Variants in UBE3A observed in about 807,000 individuals in gnomAD.
UBE3A encodes ubiquitin-protein ligase E3A.
Under a neutral mutation model 83.4 loss-of-function variants are expected in UBE3A, and 6 were observed. The ratio of observed to expected loss-of-function variants is 0.07; its 90% CI spans 0.04 to 0.14. The LOEUF (loss-of-function observed/expected upper bound fraction) is 0.14, where lower values mean the gene tolerates loss of function less well. UBE3A is among the 10% of genes least tolerant of loss of function. The probability of loss-of-function intolerance (pLI) is 1.00; values close to 1 mark genes in which losing one functional copy is unlikely to be tolerated. For missense variants in UBE3A, 456 were observed against 1,036.1 expected, an observed-to-expected ratio of 0.44 and a Z score of 7.69; for synonymous variants, 337 against 355.4, an observed-to-expected ratio of 0.95 and a Z score of 0.58.
Position 25,349,535 on chromosome 15 carries a change from T to C in UBE3A, c.2354+4818A>G, listed in dbSNP as rs1283531887. 4.6e-5 allele frequency among the ~76,000 whole-genome samples: 7 copies of C among 152,266 alleles called. No individual in the cohort carries two copies. The East Asian group carries it at 1.4e-3, about 29-fold the overall frequency. On this transcript the variant is annotated intron_variant, in intron 11 of 12. Coordinates refer to ENST00000648336, the MANE Select transcript of UBE3A (RefSeq NM_130839.5). ...ATATACAGTATTCCCCACTTACCCATGGGGAATACGTTCCAAGACCTCCAG... is the reference window on the plus strand; with the variant it reads ...ATATACAGTATTCCCCACTTACCCACGGGGAATACGTTCCAAGACCTCCAG...
intron 1 of UBE3A, among the ~76,000 whole-genome samples, chr15:25,425,923 A>C (rs1357639569): frequency 1.3e-5 from 2 of 152,206 alleles, no homozygotes; most frequent in Non-Finnish European, 2.9e-5. Flanking sequence ...ACACAGTCAT[A>C]CATACATAGA....
chr15:25,407,186 T>C (rs749059176), intron 3 of UBE3A: 1 of 1,338,962 alleles, frequency 7.5e-7, no homozygotes, highest in Admixed American at 2.0e-5. Flanking sequence ...TTTTTGAAAG[T>C]GCGACCCTCC....
At chr15:25,392,948 C>G (rs941815168) in intron 4 of UBE3A, among the ~76,000 whole-genome samples, 1 of 152,110 alleles carries the variant, frequency 6.6e-6, no homozygotes, top group Admixed American at 6.6e-5. Context: ...CATAAAAATA[C>G]ATGCACACTT....
chr15:25,358,691 T>C (rs1350934244), intron 7 of UBE3A, among the ~76,000 whole-genome samples: 1 of 152,186 alleles, frequency 6.6e-6, no homozygotes, highest in East Asian at 1.9e-4. Context: ...TCACTTTAAG[T>C]TTAAAAATAA....
intron 4 of UBE3A, among the ~76,000 whole-genome samples, chr15:25,398,771 T>G (rs112339647): frequency 1.5e-5 from 1 of 68,936 alleles, no homozygotes; most frequent in Admixed American, 1.8e-4. Flanking sequence ...ATTCTTTTAT[T>G]TATATATATA....
rs536456851 is a variant in UBE3A at position 25,336,629 on chromosome 15, G to A, written c.*2508C>T. ...AGTTGTCTCAGGAAACCAGGGTTAG[G>A]ATGACCAGCTCATTTGCTGGAGCTG... On this transcript the variant is annotated 3_prime_UTR_variant, in exon 13 of 13. Coordinates refer to ENST00000648336, the MANE Select transcript of UBE3A (RefSeq NM_130839.5). 1 of 152,116 alleles carries A rather than the reference G, an allele frequency of 6.6e-6. No homozygotes were observed. Among genetic ancestry groups the A allele is most frequent in the Non-Finnish European group, 1.5e-5 (1 of 68,008 alleles). 9.4% of individuals were successfully genotyped at this position (152,116 alleles called of 1,614,324 possible). A position where few individuals can be genotyped will look rare whatever the true frequency, so the allele number is the denominator to read the frequency against.
chr15:25,361,347 A>C (rs1464125678), intron 6 of UBE3A, among the ~76,000 whole-genome samples: 1 of 151,918 alleles, frequency 6.6e-6, no homozygotes, highest in Non-Finnish European at 1.5e-5. Flanking sequence ...GATGGTCTTG[A>C]ACTCCTGACC....
chr15:25,348,042 T>A (rs890697719), intron 11 of UBE3A, among the ~76,000 whole-genome samples: 1 of 150,554 alleles, frequency 6.6e-6, no homozygotes, highest in African/African-American at 2.4e-5. Flanking sequence ...AACATTAATT[T>A]AAAAAAAAAC....
intron 4 of UBE3A, among the ~76,000 whole-genome samples, chr15:25,405,110 C>G (rs1469691511): frequency 6.6e-6 from 1 of 152,178 alleles, no homozygotes; most frequent in Non-Finnish European, 1.5e-5. Context: ...TATTACGCAT[C>G]TCTGTATCTA....
At chr15:25,411,118 G>C (rs2153083115) in intron 2 of UBE3A, among the ~76,000 whole-genome samples, 1 of 152,306 alleles carries the variant, frequency 6.6e-6, no homozygotes, top group South Asian at 2.1e-4. Flanking sequence ...CCAAGGCCAG[G>C]CTGGACTTAT....
intron 1 of UBE3A, among the ~76,000 whole-genome samples, chr15:25,436,567 T>C (rs531036579): frequency 1.3e-5 from 2 of 152,118 alleles, no homozygotes; most frequent in South Asian, 4.2e-4. Flanking sequence ...AGGGAGGAGA[T>C]TGAAATAGAA....
chr15:25,360,329 A>C (rs2077863131), intron 7 of UBE3A, 54 bp downstream of exon 7: 1 of 1,608,210 alleles, frequency 6.2e-7, no homozygotes. Context: ...AGATAAACAA[A>C]TAACTAACTC....
chr15:25,335,349 A>T lies in UBE3A; in HGVS notation c.*3788T>A, dbSNP rs1027991103. 4 of 152,382 alleles carry T rather than the reference A, an allele frequency of 2.6e-5. No individual in the cohort carries two copies. The highest frequency in any genetic ancestry group is 5.9e-5 in the Non-Finnish European group (4 of 68,148). The allele number at this position is 152,382 out of a possible 1,614,324, so 9.4% of individuals were successfully genotyped here. A position where few individuals can be genotyped will look rare whatever the true frequency, so the allele number is the denominator to read the frequency against. ...GTGTGTAACACAAGGCCAAATTGGA[A>T]AGGTCAGTGAGGGGGCAATCTGTGG... is the stretch of plus-strand genomic sequence containing the variant. On this transcript the variant is annotated 3_prime_UTR_variant, in exon 13 of 13. Transcript: ENST00000648336.
chr15:25,421,604 T>C (rs1286148478), intron 1 of UBE3A, among the ~76,000 whole-genome samples: 1 of 152,156 alleles, frequency 6.6e-6, no homozygotes, highest in Admixed American at 6.5e-5. Flanking sequence ...GGTTTCAGAC[T>C]GAGAAGATGA....
chr15:25,405,910 G>A (rs1353913680), intron 3 of UBE3A, among the ~76,000 whole-genome samples: 1 of 152,144 alleles, frequency 6.6e-6, no homozygotes, highest in Non-Finnish European at 1.5e-5. Flanking sequence ...CTTTAGATTA[G>A]TGGCTCAGTA....
intron 4 of UBE3A, among the ~76,000 whole-genome samples, chr15:25,403,351 A>G (rs2087640606): frequency 6.6e-6 from 1 of 152,192 alleles, no homozygotes; most frequent in Non-Finnish European, 1.5e-5. Context: ...AAATATTATT[A>G]AAAAATGTTT....
intron 6 of UBE3A, among the ~76,000 whole-genome samples, chr15:25,361,900 A>G (rs969597717): frequency 3.3e-5 from 5 of 152,264 alleles, no homozygotes; most frequent in African/African-American, 1.2e-4. Flanking sequence ...TTAAAGTAAT[A>G]ATACTCATTT....
intron 4 of UBE3A, among the ~76,000 whole-genome samples, chr15:25,385,196 CATGT>C (rs2082897088): frequency 6.6e-6 from 1 of 152,088 alleles, no homozygotes; most frequent in African/African-American, 2.4e-5. Flanking sequence ...ATTTCTATAC[CATGT>C]ATCTGTTATT....
At chr15:25,363,921 G>A (rs142138490) in intron 6 of UBE3A, among the ~76,000 whole-genome samples, 4 of 152,078 alleles carry the variant, frequency 2.6e-5, no homozygotes, top group South Asian at 4.2e-4. Context: ...GCTGGGCGCC[G>A]TGGCTCACAC....
Sources: gnomAD v4.1 joint callset for allele counts (sites outside exome capture counted in the v4.1 genomes callset) on GRCh38, gnomAD v4.1.1 for gene constraint, MANE v1.5 for transcripts, NCBI Gene and HGNC (gene_info 2026-07-23, HGNC 2026-07-21) for gene names.